Variants in DMC1 observed in about 807,000 individuals in gnomAD.
DMC1 encodes DNA meiotic recombinase 1, also known as meiotic recombination protein DMC1 homolog.
Under a neutral mutation model 50.1 loss-of-function variants are expected in DMC1, and 27 were observed. The observed-to-expected ratio is 0.54, with a 90% CI of 0.40 to 0.74. The LOEUF (loss-of-function observed/expected upper bound fraction) is 0.74, where lower values mean the gene tolerates loss of function less well. Among genes scored for constraint, DMC1 ranks in the 30% least tolerant of loss-of-function variants. The probability of loss-of-function intolerance (pLI) is 0.00; values close to 1 mark genes in which losing one functional copy is unlikely to be tolerated. For missense variants in DMC1, 295 were observed against 420.2 expected, an observed-to-expected ratio of 0.70 and a Z score of 2.60; for synonymous variants, 148 against 136.1, an observed-to-expected ratio of 1.09 and a Z score of -0.61.
the DMC1 span, among the ~76,000 whole-genome samples, chr22:38,513,094 A>G: frequency 6.6e-6 from 1 of 152,128 alleles, no homozygotes; most frequent in Non-Finnish European, 1.5e-5. Context: ...AAAAAAAAAA[A>G]AAAGGACATT....
chr22:38,520,609 C>T (rs944516994), intron 13 of DMC1, among the ~76,000 whole-genome samples: 4 of 152,042 alleles, frequency 2.6e-5, no homozygotes, highest in African/African-American at 4.8e-5. Flanking sequence ...CCGCCTGCCT[C>T]GGCCTCCCAA....
At chr22:38,525,666 C>T (rs1038338657) in intron 12 of DMC1, among the ~76,000 whole-genome samples, 1 of 152,176 alleles carries the variant, frequency 6.6e-6, no homozygotes, top group African/African-American at 2.4e-5. Flanking sequence ...TGAGGCTGGG[C>T]AGAGTGGCTC....
intron 7 of DMC1, among the ~76,000 whole-genome samples, chr22:38,551,476 G>A (rs2090410509): frequency 6.6e-6 from 1 of 151,188 alleles, no homozygotes; most frequent in Non-Finnish European, 1.5e-5. Flanking sequence ...TTACAGGCAT[G>A]TTCAACCAGG....
chr22:38,545,887 G>C (rs886421226), intron 8 of DMC1: 1 of 152,084 alleles, frequency 6.6e-6, no homozygotes, highest in Non-Finnish European at 1.5e-5. Flanking sequence ...CTATGCCCTA[G>C]GTAAATTTAA....
At chr22:38,514,583 A>G (rs1056083595), downstream of DMC1, among the ~76,000 whole-genome samples, 1 of 152,120 alleles carries the variant, frequency 6.6e-6, no homozygotes, top group Non-Finnish European at 1.5e-5. Context: ...TACAGGTCAC[A>G]AAGACCTTGC....
intron 7 of DMC1, among the ~76,000 whole-genome samples, chr22:38,550,930 C>CAAAAAA (rs60295497): frequency 3.5e-5 from 2 of 57,750 alleles, no homozygotes; most frequent in South Asian, 6.1e-4. Flanking sequence ...GACTCCATCT[C>CAAAAAA]AAAAAAAAAA....
At chr22:38,545,476 G>A (rs181081021) in intron 8 of DMC1, among the ~76,000 whole-genome samples, 74 of 152,110 alleles carry the variant, frequency 4.9e-4, no homozygotes, top group Non-Finnish European at 9.1e-4. Flanking sequence ...AGGCCGGACT[G>A]CAGTGGCGCT....
chr22:38,548,309 C>G (rs567476877), intron 8 of DMC1, among the ~76,000 whole-genome samples: 1 of 152,196 alleles, frequency 6.6e-6, no homozygotes, highest in Admixed American at 6.5e-5. Context: ...TGCAATGGCT[C>G]ATGCCTGTAA....
chr22:38,521,688 G>C lies in DMC1; in HGVS notation c.873C>G (p.His291Gln). 1 of 1,613,974 alleles carries C rather than the reference G, an allele frequency of 6.2e-7. No homozygotes were observed. The highest frequency in any genetic ancestry group is 8.5e-7 in the Non-Finnish European group (1 of 1,179,956). The change falls in exon 13 of 14, where the codon CAC becomes CAG. Residue 291 changes from histidine (H) to glutamine (Q), a missense_variant. Physicochemically the swap from His to Gln is conservative, Grantham distance 24. Coordinates refer to ENST00000216024, the MANE Select transcript of DMC1 (RefSeq NM_007068.4). Reference protein sequence around the residue: ...QADPKKPIGGHILAHASTTRI... With the variant: ...QADPKKPIGGQILAHASTTRI... ...TTGTTGTTGAAGCATGAGCCAGAAT[G>C]TGTCCCCCAATGGGTTTTTTGGGAT...
At chr22:38,563,995 C>T (rs956073418) in intron 4 of DMC1, among the ~76,000 whole-genome samples, 3 of 151,716 alleles carry the variant, frequency 2.0e-5, no homozygotes, top group Non-Finnish European at 4.4e-5. Context: ...CCACCAGGCC[C>T]GGCCTCCACA....
At chr22:38,521,500 T>G in intron 13 of DMC1, 108 bp downstream of exon 13, 1 of 753,012 alleles carries the variant, frequency 1.3e-6, no homozygotes, top group Non-Finnish European at 2.2e-6. Flanking sequence ...GCCTAGGAGT[T>G]TGAGACCAGC....
chr22:38,547,718 T>C (rs1260854052), intron 8 of DMC1, among the ~76,000 whole-genome samples: 1 of 152,144 alleles, frequency 6.6e-6, no homozygotes, highest in African/African-American at 2.4e-5. Flanking sequence ...TTTGTATTTT[T>C]AGTAGAGACA....
At chr22:38,526,613 A>G (rs2090093968) in intron 12 of DMC1, among the ~76,000 whole-genome samples, 1 of 152,074 alleles carries the variant, frequency 6.6e-6, no homozygotes, top group Non-Finnish European at 1.5e-5. Flanking sequence ...ACATACAAAA[A>G]TTTTTGTGTA....
At position 38,519,789 on chromosome 22, in the gene DMC1, A is replaced by AACAC; in HGVS notation, c.*227_*230dup. The AACAC allele has an allele frequency of 2.1e-6, 1 of 475,422 alleles. No individual in the cohort carries two copies. The highest frequency in any genetic ancestry group is 3.9e-6 in the Non-Finnish European group (1 of 258,966). 29.5% of individuals were successfully genotyped at this position (475,422 alleles called of 1,614,324 possible). Reference sequence around the variant, plus strand: ...TATATATGTCAGGTATACACACACAAACACACACACACACAAACATACATA... The same window carrying AACAC: ...TATATATGTCAGGTATACACACACAAACACACACACACACACACAAACATACATA... On this transcript the variant is annotated 3_prime_UTR_variant, in exon 14 of 14. Transcript: ENST00000216024.
At chr22:38,529,080 G>A (rs768261935) in intron 12 of DMC1, among the ~76,000 whole-genome samples, 8 of 151,404 alleles carry the variant, frequency 5.3e-5, no homozygotes, top group Non-Finnish European at 8.8e-5. Context: ...GCACCATCTC[G>A]GCTCACCACA....
At chr22:38,552,154 C>T (rs1394396979) in intron 7 of DMC1, among the ~76,000 whole-genome samples, 2 of 152,050 alleles carry the variant, frequency 1.3e-5, no homozygotes, top group Admixed American at 6.6e-5. Flanking sequence ...AGCCACCGGG[C>T]CCGGCCAGAA....
rs757107730 is a variant in DMC1 at position 38,521,590 on chromosome 22, A to ACACACACACACAC, written c.953+17_953+18insGTGTGTGTGTGTG. The ACACACACACACAC allele has an allele frequency of 5.6e-6, 8 of 1,426,374 alleles. No homozygotes were observed. Among genetic ancestry groups the ACACACACACACAC allele is most frequent in the African/African-American group, 4.8e-5 (3 of 63,126 alleles). The allele number at this position is 1,426,374 out of a possible 1,614,324, so 88.4% of individuals were successfully genotyped here. A position where few individuals can be genotyped will look rare whatever the true frequency, so the allele number is the denominator to read the frequency against. ...ACACACACACACACACACACACACA[A>ACACACACACACAC]AATAAAAAAAAATTTACCTGTCATA... On this transcript the variant is annotated intron_variant, in intron 13 of 13. Transcript: ENST00000216024.
At chr22:38,530,332 G>GTTC (rs2090139858) in intron 12 of DMC1, among the ~76,000 whole-genome samples, 1 of 151,672 alleles carries the variant, frequency 6.6e-6, no homozygotes, top group Non-Finnish European at 1.5e-5. Context: ...TTTGAGGAAA[G>GTTC]AGAAGAGGTG....
intron 13 of DMC1, among the ~76,000 whole-genome samples, chr22:38,520,899 C>T (rs1342556835): frequency 2.0e-4 from 30 of 148,858 alleles, no homozygotes; most frequent in East Asian, 7.9e-4. Context: ...TTTTTTGAGA[C>T]GGAGTCTCAC....
Sources: gnomAD v4.1 joint callset for allele counts (sites outside exome capture counted in the v4.1 genomes callset) on GRCh38, gnomAD v4.1.1 for gene constraint, MANE v1.5 for transcripts, NCBI Gene and HGNC (gene_info 2026-07-23, HGNC 2026-07-21) for gene names.